Variants in ULK4 observed in about 807,000 individuals in gnomAD.
ULK4 encodes unc-51 like kinase 4.
In ULK4, 133 loss-of-function variants were observed where a neutral mutation model predicts 160.6. The observed-to-expected ratio is 0.83, with a 90% confidence interval of 0.72 to 0.96. The LOEUF (loss-of-function observed/expected upper bound fraction) is 0.96. Among genes scored for constraint, ULK4 ranks in the 40% least tolerant of loss-of-function variants. ULK4 has a pLI of 0.00. For missense variants in ULK4, 1,580 were observed against 1,499.5 expected, an observed-to-expected ratio of 1.05 and a Z score of -0.89; for synonymous variants, 534 against 539.8, an observed-to-expected ratio of 0.99 and a Z score of 0.15.
intron 32 of ULK4, among the ~76,000 whole-genome samples, chr3:41,544,096 A>G (rs1256316917): frequency 6.6e-6 from 1 of 152,112 alleles, no homozygotes; most frequent in Non-Finnish European, 1.5e-5. Context: ...GCTTTTTGAC[A>G]TGCTTTGTGA....
intron 17 of ULK4, among the ~76,000 whole-genome samples, chr3:41,851,436 C>G (rs1050293679): frequency 2.2e-4 from 33 of 152,118 alleles, no homozygotes; most frequent in Non-Finnish European, 3.1e-4. Context: ...CCCACTTGAT[C>G]ATGGTGGATA....
At chr3:41,251,354 C>A (rs2078739482) in intron 35 of ULK4, among the ~76,000 whole-genome samples, 1 of 152,158 alleles carries the variant, frequency 6.6e-6, no homozygotes, top group Non-Finnish European at 1.5e-5. Context: ...ATCAGAGGTT[C>A]CAGTTCTGCG....
chr3:41,385,275 T>A (rs1274870582), intron 35 of ULK4, among the ~76,000 whole-genome samples: 1 of 152,074 alleles, frequency 6.6e-6, no homozygotes, highest in Non-Finnish European at 1.5e-5. Context: ...ATTTTGAGAT[T>A]TTTTTTAATA....
chr3:41,667,167 G>C (rs1416745469), intron 29 of ULK4, among the ~76,000 whole-genome samples: 8 of 149,682 alleles, frequency 5.3e-5, no homozygotes, highest in Non-Finnish European at 1.5e-5. Flanking sequence ...AAAAAAAAAA[G>C]AAAAACACAC....
At chr3:41,855,932 G>A (rs372180052) in intron 17 of ULK4, among the ~76,000 whole-genome samples, 42 of 152,152 alleles carry the variant, frequency 2.8e-4, no homozygotes, top group African/African-American at 7.5e-4. Context: ...TAGGTAAAAC[G>A]AGCACCAAAA....
At chr3:41,912,980 T>G (rs935282009) in intron 8 of ULK4, 81 bp from the exon 9 acceptor site, 6 of 1,213,966 alleles carry the variant, frequency 4.9e-6, no homozygotes, top group East Asian at 4.8e-5. Context: ...CAATTACACA[T>G]AGCAGATTTT....
intron 21 of ULK4, among the ~76,000 whole-genome samples, chr3:41,787,157 A>G (rs907453129): frequency 6.6e-6 from 1 of 152,096 alleles, no homozygotes; most frequent in Non-Finnish European, 1.5e-5. Flanking sequence ...TAGACTTCCA[A>G]CCTCATGTGA....
At chr3:41,756,688 C>T (rs2038815069) in intron 21 of ULK4, among the ~76,000 whole-genome samples, 1 of 152,046 alleles carries the variant, frequency 6.6e-6, no homozygotes, top group Admixed American at 6.5e-5. Context: ...ACAGATTATA[C>T]GAAGCACCTG....
At chr3:41,874,592 T>C (rs1386238817) in intron 17 of ULK4, among the ~76,000 whole-genome samples, 1 of 152,182 alleles carries the variant, frequency 6.6e-6, no homozygotes, top group Non-Finnish European at 1.5e-5. Context: ...TTATTCTAAG[T>C]GATGTAACTC....
intron 22 of ULK4, among the ~76,000 whole-genome samples, chr3:41,751,282 T>G (rs2038619839): frequency 6.6e-6 from 1 of 152,120 alleles, no homozygotes; most frequent in Admixed American, 6.6e-5. Flanking sequence ...TCCGTTCTGC[T>G]CAAGATCTTG....
intron 30 of ULK4, among the ~76,000 whole-genome samples, chr3:41,628,495 C>T (rs1207646601): frequency 1.3e-5 from 2 of 152,108 alleles, no homozygotes; most frequent in Non-Finnish European, 2.9e-5. Flanking sequence ...TCAATCTAAT[C>T]ACGGAAAAAC....
At chr3:41,252,535 C>A (rs2078761190) in intron 35 of ULK4, among the ~76,000 whole-genome samples, 2 of 117,566 alleles carry the variant, frequency 1.7e-5, no homozygotes, top group Non-Finnish European at 3.5e-5. Context: ...AGAATGGAGA[C>A]AATAAAAGGA....
chr3:41,591,242 T>C (rs1368500406), intron 31 of ULK4, among the ~76,000 whole-genome samples: 2 of 152,202 alleles, frequency 1.3e-5, no homozygotes, highest in African/African-American at 2.4e-5. Flanking sequence ...TCAGTGAATA[T>C]ATCTTTCAAA....
At chr3:41,407,939 T>C (rs575876699) in intron 34 of ULK4, among the ~76,000 whole-genome samples, 1 of 152,220 alleles carries the variant, frequency 6.6e-6, no homozygotes, top group South Asian at 2.1e-4. Flanking sequence ...CAGAAAATCC[T>C]AAGGAACCCT....
chr3:41,566,063 G>C lies in ULK4; in HGVS notation c.3188C>G (p.Ala1063Gly). The stretch of plus-strand genomic sequence containing the variant: ...TAGTTCCATATTCGAATCTTTGCAG[G>C]CAACTAGATTGCTGAGTAATGCAAT... ...SVIALLSNLV[A>G]CKDSNMELLY... The change falls in exon 32 of 37, where the codon GCC becomes GGC. Residue 1063 changes from alanine to glycine, a missense_variant. By Grantham distance (60) the Ala-to-Gly change is moderately conservative. Transcript: ENST00000301831. 6.2e-7 allele frequency: 1 copy of C among 1,613,244 alleles called. No homozygotes were observed. Among genetic ancestry groups the C allele is most frequent in the Non-Finnish European group, 8.5e-7 (1 of 1,179,778 alleles).
intron 2 of ULK4, among the ~76,000 whole-genome samples, chr3:41,940,708 TA>T (rs1699923472): frequency 1.3e-5 from 2 of 152,092 alleles, no homozygotes; most frequent in South Asian, 4.2e-4. Context: ...TCAATAAATA[TA>T]AAAAATAAAA....
intron 32 of ULK4, among the ~76,000 whole-genome samples, chr3:41,534,918 C>T (rs2086445558): frequency 6.6e-6 from 1 of 152,054 alleles, no homozygotes; most frequent in Non-Finnish European, 1.5e-5. Context: ...GACAGATATA[C>T]ATATGGCAAT....
At chr3:41,717,467 A>G (rs1187763524) in intron 23 of ULK4, among the ~76,000 whole-genome samples, 1 of 152,156 alleles carries the variant, frequency 6.6e-6, no homozygotes, top group Admixed American at 6.5e-5. Context: ...TTTCTTTTGT[A>G]TATTTTCTAA....
At chr3:41,953,877 G>C (rs950019741) in intron 2 of ULK4, among the ~76,000 whole-genome samples, 1 of 151,866 alleles carries the variant, frequency 6.6e-6, no homozygotes, top group African/African-American at 2.4e-5. Flanking sequence ...GCCAAACCCC[G>C]ACTCCATGAA....
Sources: allele counts gnomAD v4.1 joint callset (sites outside exome capture counted in the v4.1 genomes callset), GRCh38; gene constraint gnomAD v4.1.1; transcripts MANE v1.5; gene names NCBI Gene and HGNC (gene_info 2026-07-23, HGNC 2026-07-21).